The following NT5E variants were observed in gnomAD, a reference collection of about 807,000 sequenced individuals.
NT5E encodes the protein 5'-nucleotidase ecto, also known as 5'-nucleotidase.
Under a neutral mutation model 55.1 loss-of-function variants are expected in NT5E, and 53 were observed. The observed-to-expected ratio is 0.96, with a 90% CI of 0.77 to 1.21. The LOEUF (loss-of-function observed/expected upper bound fraction) is 1.21, where lower values mean the gene tolerates loss of function less well. Among genes scored for constraint, NT5E ranks in the 50% most tolerant of loss-of-function variants. NT5E has a pLI of 0.00. For synonymous variants in NT5E, 270 were observed against 278.4 expected (o/e 0.97, Z 0.30); for missense variants, 683 against 724.3 (o/e 0.94, Z 0.65).
intron 5 of NT5E, among the ~76,000 whole-genome samples, chr6:85,489,183 A>G (rs1018887925): frequency 2.0e-5 from 3 of 152,154 alleles, no homozygotes; most frequent in African/African-American, 7.2e-5. Context: ...GTGACTCTGC[A>G]GGCCACCTTG....
intron 5 of NT5E, among the ~76,000 whole-genome samples, chr6:85,488,767 G>C (rs886363385): frequency 2.0e-5 from 3 of 151,676 alleles, no homozygotes; most frequent in Non-Finnish European, 2.9e-5. Flanking sequence ...CTTTAGTAGA[G>C]ACGGGGTTTC....
intron 1 of NT5E, among the ~76,000 whole-genome samples, chr6:85,460,626 G>A (rs1217147740): frequency 6.6e-6 from 1 of 152,092 alleles, no homozygotes; most frequent in Non-Finnish European, 1.5e-5. Context: ...CTGTCCTGAG[G>A]CCATGTGCCA....
intron 3 of NT5E, among the ~76,000 whole-genome samples, chr6:85,483,498 CAGATGG>C (rs1164166385): frequency 1.3e-5 from 2 of 152,266 alleles, no homozygotes; most frequent in Non-Finnish European, 2.9e-5. Context: ...GCATCCGCTA[CAGATGG>C]AGATGGAACA....
In NT5E at chr6:85,450,623, C is replaced by A; in HGVS notation, c.339+145C>A. ...TAAAGTGAGACTCCGGCCAGTGTGC[C>A]AGCTGGATGCATAGAAGTCCCTTGG... On this transcript the variant is annotated intron_variant, in intron 1 of 8. Transcript: ENST00000257770. This position sits in a 1 kb window ranked among gnomAD's most constrained non-coding sequence, Gnocchi z 4.0. The A allele has an allele frequency of 1.3e-6, 1 of 761,502 alleles. No homozygotes were observed. 47.2% of individuals were successfully genotyped at this position (761,502 alleles called of 1,614,324 possible). A position where few individuals can be genotyped will look rare whatever the true frequency, so the allele number is the denominator to read the frequency against.
rs146630544 is a variant in NT5E, at chr6:85,471,373, G to A, written c.699G>A (p.Val233=). ...TGGATAAACTCATCGCTCAGAAAGT[G>A]AGGGGTGTGGACGTCGTGGTGGGAG... is the stretch of plus-strand genomic sequence containing the variant. ...FEMDKLIAQK[V]RGVDVVVGGH... Residue 233 remains valine, a synonymous_variant, in exon 3 of 9, where the codon GTG becomes GTA. Transcript: ENST00000257770. The A allele has an allele frequency of 1.8e-4, 289 of 1,612,988 alleles. No individual in the cohort carries two copies. The highest frequency in any genetic ancestry group is 5.2e-4 in the Admixed American group (31 of 59,978).
At position 85,450,456 on chromosome 6, in the gene NT5E, A is replaced by G. The variant is rs1768832403; in HGVS notation, c.317A>G (p.Asn106Ser). 1 of 1,598,000 alleles carries G rather than the reference A, an allele frequency of 6.3e-7. No homozygotes were observed. The highest frequency in any genetic ancestry group is 8.5e-7 in the Non-Finnish European group (1 of 1,173,594). The change falls in exon 1 of 9, where the codon AAC becomes AGC. Residue 106 changes from asparagine (N) to serine (S), a missense_variant. Asn to Ser is a conservative substitution (Grantham distance 46). Coordinates refer to ENST00000257770, the MANE Select transcript of NT5E (RefSeq NM_002526.4). The surrounding 1 kb of genome is among the most constrained non-coding windows in gnomAD (Gnocchi z 4.0). ...GGCGCCGAGGTGGCGCACTTCATGA[A>G]CGCCCTGCGCTACGATGCCATGGTA... ...YKGAEVAHFMNALRYDAMALG... is the reference protein window; with the variant it reads ...YKGAEVAHFMSALRYDAMALG...
At chr6:85,467,027 C>T in intron 1 of NT5E, 33 bp from the exon 2 acceptor site, 5 of 1,582,398 alleles carry the variant, frequency 3.2e-6, no homozygotes, top group Non-Finnish European at 4.3e-6. Context: ...TTTTAAAGCA[C>T]CTAATTCTTT....
At chr6:85,464,325 A>G (rs1769148424) in intron 1 of NT5E, among the ~76,000 whole-genome samples, 2 of 152,146 alleles carry the variant, frequency 1.3e-5, no homozygotes, top group Non-Finnish European at 2.9e-5. Context: ...TTACTAACTC[A>G]CTTTCCATGA....
chr6:85,489,730 G>A, intron 6 of NT5E, 131 bp downstream of exon 6: 6 of 723,384 alleles, frequency 8.3e-6, no homozygotes, highest in Non-Finnish European at 1.5e-5. Context: ...GTACCAGAAT[G>A]TCAGTCCTTT....
At chr6:85,491,881 C>G in intron 7 of NT5E, 96 bp from the exon 8 acceptor site, 4 of 1,067,974 alleles carry the variant, frequency 3.7e-6, no homozygotes, top group Non-Finnish European at 5.8e-6. Flanking sequence ...GGAAAAACCA[C>G]AGCCCCATGC....
In NT5E at chr6:85,487,438, A is replaced by G; in HGVS notation, c.1053A>G (p.Gln351=). The G allele has an allele frequency of 6.2e-7, 1 of 1,614,166 alleles. No individual in the cohort carries two copies. Among genetic ancestry groups the G allele is most frequent in the Non-Finnish European group, 8.5e-7 (1 of 1,180,020 alleles). The change falls in exon 5 of 9, where the codon CAA becomes CAG. Residue 351 remains glutamine, a synonymous_variant. Transcript: ENST00000257770. The part of the protein sequence containing the change: ...KTIVYLDGSS[Q]SCRFRECNMG... ...TTGTCTATCTGGATGGCTCCTCTCA[A>G]TCATGCCGCTTTAGAGAATGCAACA...
intron 5 of NT5E, among the ~76,000 whole-genome samples, chr6:85,488,116 T>C (rs757981623): frequency 2.5e-4 from 38 of 152,258 alleles, no homozygotes; most frequent in South Asian, 6.2e-4. Context: ...AACACACAGT[T>C]TTAATGGTAA....
chr6:85,460,039 G>T (rs1478855069), intron 1 of NT5E, among the ~76,000 whole-genome samples: 2 of 152,128 alleles, frequency 1.3e-5, no homozygotes, highest in Non-Finnish European at 2.9e-5. Flanking sequence ...AATATACAAT[G>T]ACCTTATTTG....
At chr6:85,479,776 G>A (rs1170967813) in intron 3 of NT5E, among the ~76,000 whole-genome samples, 1 of 152,028 alleles carries the variant, frequency 6.6e-6, no homozygotes, top group Admixed American at 6.6e-5. Flanking sequence ...CATTCTTTTG[G>A]CCACTGCATT....
In NT5E at chr6:85,471,310, G is replaced by T. The variant is rs756619079; in HGVS notation, c.636G>T (p.Val212=). The part of the protein sequence containing the change: ...PEVDKLKTLN[V]NKIIALGHSG... ...TAGATAAGTTAAAAACTCTAAATGTGAACAAAATTATTGCACTGGGACATT... is the reference window on the plus strand; with the variant it reads ...TAGATAAGTTAAAAACTCTAAATGTTAACAAAATTATTGCACTGGGACATT... The change falls in exon 3 of 9, where the codon GTG becomes GTT. Residue 212 remains valine (V), a synonymous_variant. Coordinates refer to ENST00000257770, the MANE Select transcript of NT5E (RefSeq NM_002526.4). 3 of 1,612,956 alleles carry T rather than the reference G, an allele frequency of 1.9e-6. No homozygotes were observed. Among genetic ancestry groups the T allele is most frequent in the Non-Finnish European group, 2.5e-6 (3 of 1,179,190 alleles).
At chr6:85,463,198 T>C (rs1226995153) in intron 1 of NT5E, among the ~76,000 whole-genome samples, 1 of 152,196 alleles carries the variant, frequency 6.6e-6, no homozygotes, top group East Asian at 1.9e-4. Flanking sequence ...ATACTGAAGA[T>C]CATTTTGCTG....
chr6:85,486,971 G>C (rs1192856269), intron 4 of NT5E, among the ~76,000 whole-genome samples: 1 of 152,126 alleles, frequency 6.6e-6, no homozygotes, highest in Admixed American at 6.5e-5. Flanking sequence ...AGGGGCCCAG[G>C]ACCACACTGA....
chr6:85,490,414 C>T (rs1041735347), intron 6 of NT5E, 94 bp from the exon 7 acceptor site: 3 of 1,409,176 alleles, frequency 2.1e-6, no homozygotes, highest in African/African-American at 2.8e-5. Flanking sequence ...CCATGTCCCC[C>T]TCATTTCTTC....
At chr6:85,466,712 G>A (rs976828013) in intron 1 of NT5E, among the ~76,000 whole-genome samples, 1 of 152,158 alleles carries the variant, frequency 6.6e-6, no homozygotes, top group Non-Finnish European at 1.5e-5. Context: ...CATGGGGTCT[G>A]AAATGTGGGT....
Sources: gnomAD v4.1 joint callset for allele counts (sites outside exome capture counted in the v4.1 genomes callset) on GRCh38, gnomAD v4.1.1 for gene constraint, Gnocchi (gnomAD v3.1) non-coding constraint, MANE v1.5 for transcripts, NCBI Gene and HGNC (gene_info 2026-07-23, HGNC 2026-07-21) for gene names.